The following NADSYN1 variants were observed in gnomAD, a reference collection of about 807,000 sequenced individuals.
NADSYN1 encodes NAD synthetase 1.
NADSYN1 carries 80 observed loss-of-function variants against 99.3 expected under a neutral mutation model. The ratio of observed to expected loss-of-function variants is 0.81; its 90% CI spans 0.67 to 0.97. The LOEUF (loss-of-function observed/expected upper bound fraction) is 0.97, where lower values mean the gene tolerates loss of function less well. NADSYN1 is among the 50% of genes least tolerant of loss of function. NADSYN1 has a pLI of 0.00. For synonymous variants in NADSYN1, 385 were observed against 372.1 expected, an observed-to-expected ratio of 1.03 and a Z score of -0.40; for missense variants, 859 against 948.5, an observed-to-expected ratio of 0.91 and a Z score of 1.24.
intron 5 of NADSYN1, among the ~76,000 whole-genome samples, chr11:71,468,328 C>T (rs1417090848): frequency 6.6e-6 from 1 of 152,126 alleles, no homozygotes; most frequent in Non-Finnish European, 1.5e-5. Flanking sequence ...CTGTATGAAA[C>T]ATAATGTCTA....
At chr11:71,459,456 G>A (rs1332341737) in intron 3 of NADSYN1, among the ~76,000 whole-genome samples, 5 of 150,592 alleles carry the variant, frequency 3.3e-5, no homozygotes, top group Non-Finnish European at 5.9e-5. Flanking sequence ...TGCATAGCCG[G>A]TCCCCTATGG....
At position 71,472,470 on chromosome 11, in the gene NADSYN1, G is replaced by A; in HGVS notation, c.429G>A (p.Leu143=). 2 of 1,613,864 alleles carry A rather than the reference G, an allele frequency of 1.2e-6. No homozygotes were observed. Among genetic ancestry groups the A allele is most frequent in the Non-Finnish European group, 1.7e-6 (2 of 1,179,712 alleles). Residue 143 remains leucine (L), a synonymous_variant, in exon 6 of 21, where the codon CTG becomes CTA. Coordinates refer to ENST00000319023, the MANE Select transcript of NADSYN1 (RefSeq NM_018161.5). ...SRSRHTEEYF[L]PRMIQDLTKQ... ...CCAGGCACACAGAGGAGTACTTTCT[G>A]CCTCGGATGATACAGGACCTGACAA...
At chr11:71,465,083 AC>A (rs1949578956) in intron 5 of NADSYN1, among the ~76,000 whole-genome samples, 1 of 152,050 alleles carries the variant, frequency 6.6e-6, no homozygotes, top group Non-Finnish European at 1.5e-5. Flanking sequence ...AAAGTATGTT[AC>A]AATATCGCAA....
intron 11 of NADSYN1, 100 bp downstream of exon 11, chr11:71,480,979 C>T (rs532847567): frequency 2.0e-6 from 3 of 1,509,498 alleles, no homozygotes; most frequent in African/African-American, 2.8e-5. Context: ...TCAGAACCTG[C>T]CTGGGTGGGG....
At chr11:71,459,771 C>T (rs12808368) in intron 3 of NADSYN1, 82,049 of 152,374 alleles carry the variant, frequency 0.54, 25,760 homozygotes, top group Non-Finnish European at 0.74. Flanking sequence ...CGACCCTCAC[C>T]GTGACATTTG....
At chr11:71,477,526 G>T in intron 9 of NADSYN1, 1 of 1,062,340 alleles carries the variant, frequency 9.4e-7, no homozygotes, top group South Asian at 1.4e-5. Flanking sequence ...TGCAGGTGCT[G>T]TTCCCGCTGT....
At chr11:71,481,224 G>A in intron 11 of NADSYN1, 132 bp from the exon 12 acceptor site, 1 of 897,924 alleles carries the variant, frequency 1.1e-6, no homozygotes, top group South Asian at 1.4e-5. Flanking sequence ...GGTGCCTAAA[G>A]CAGAGACGGG....
In NADSYN1 at chr11:71,468,374, G is replaced by A. The variant is rs554313897; in HGVS notation, c.408-4075G>A. Among the ~76,000 whole-genome samples the A allele has an allele frequency of 2.1e-3, 316 of 152,320 alleles. 1 individual carries two copies. Among genetic ancestry groups the A allele is most frequent in the African/African-American group, 7.4e-3 (307 of 41,550 alleles). On this transcript the variant is annotated intron_variant, in intron 5 of 20. Transcript: ENST00000319023. Reference sequence around the variant, plus strand: ...AAAAGTAGGCCAGCCCTAAATCACTGCATAGCTGTGCGTGTAAATTAGGGC... The same window carrying A: ...AAAAGTAGGCCAGCCCTAAATCACTACATAGCTGTGCGTGTAAATTAGGGC...
intron 12 of NADSYN1, chr11:71,481,618 C>T (rs570137827): frequency 2.5e-5 from 15 of 611,556 alleles, no homozygotes; most frequent in African/African-American, 1.1e-4. Context: ...GGAGGCTCAG[C>T]GGAACCCAGC....
chr11:71,473,628 A>G lies in NADSYN1; in HGVS notation c.608A>G (p.His203Arg). Residue 203 changes from histidine to arginine, a missense_variant, in exon 8 of 21, where the codon CAC becomes CGC. By Grantham distance (29) the His-to-Arg change is conservative. Coordinates refer to ENST00000319023, the MANE Select transcript of NADSYN1 (RefSeq NM_018161.5). ...VEIITNASGSHQVLRKANTRV... is the reference protein window; with the variant it reads ...VEIITNASGSRQVLRKANTRV... ...ATCATCACCAACGCCTCGGGCAGCCACCAAGTGCTGCGCAAAGCCAACACC... is the reference window on the plus strand; with the variant it reads ...ATCATCACCAACGCCTCGGGCAGCCGCCAAGTGCTGCGCAAAGCCAACACC... The G allele has an allele frequency of 1.9e-6, 3 of 1,613,254 alleles. No homozygotes were observed. Among genetic ancestry groups the G allele is most frequent in the Non-Finnish European group, 2.5e-6 (3 of 1,179,918 alleles).
intron 5 of NADSYN1, chr11:71,464,354 G>T: frequency 2.0e-6 from 1 of 501,750 alleles, no homozygotes; most frequent in South Asian, 2.5e-5. Flanking sequence ...CCTCCACAGG[G>T]TGGGAGCAGC....
Position 71,455,168 on chromosome 11 carries a change from A to G in NADSYN1, c.144A>G (p.Ile48Met), listed in dbSNP as rs544782653. The G allele has an allele frequency of 6.2e-7, 1 of 1,613,686 alleles. No individual in the cohort carries two copies. Among genetic ancestry groups the G allele is most frequent in the South Asian group, 1.1e-5 (1 of 90,996 alleles). ...ARYRLGPELEICGYGCWDHYY... is the reference protein window; with the variant it reads ...ARYRLGPELEMCGYGCWDHYY... Reference sequence around the variant, plus strand: ...ACAGGCTTGGACCAGAGCTGGAAATATGGTGAGAACAGACACAGACACCCT... The same window carrying G: ...ACAGGCTTGGACCAGAGCTGGAAATGTGGTGAGAACAGACACAGACACCCT... Residue 48 changes from isoleucine to methionine, a missense_variant and splice_region_variant, in exon 2 of 21, where the codon ATA becomes ATG. By Grantham distance (10) the Ile-to-Met change is conservative. Transcript: ENST00000319023.
intron 9 of NADSYN1, chr11:71,476,454 G>A: frequency 4.6e-6 from 1 of 219,240 alleles, no homozygotes; most frequent in South Asian, 6.7e-5. Flanking sequence ...GCATAGGTGT[G>A]GTCAGCACGG....
intron 18 of NADSYN1, among the ~76,000 whole-genome samples, chr11:71,495,433 C>G (rs1949812611): frequency 6.6e-6 from 1 of 152,202 alleles, no homozygotes. Flanking sequence ...TCTCGTGGCT[C>G]AGCAGATGGT....
intron 15 of NADSYN1, chr11:71,484,886 A>T (rs1356994712): frequency 5.0e-6 from 1 of 198,710 alleles, no homozygotes; most frequent in East Asian, 1.2e-4. Flanking sequence ...AGCAAGTGTG[A>T]GTGTGGATGT....
rs35007971 is a variant in NADSYN1, at chr11:71,497,491, G to A, written c.1773G>A (p.Met591Ile). The A allele has an allele frequency of 1.6e-3, 2,621 of 1,614,116 alleles. 41 individuals are homozygous for A. In the African/African-American group the frequency reaches 0.03, roughly 18 times the overall value. The change falls in exon 19 of 21, where the codon ATG (methionine) becomes ATA (isoleucine). Residue 591 changes from methionine to isoleucine, a missense_variant. Physicochemically the swap from Met to Ile is conservative, Grantham distance 10 (BLOSUM62 1). Coordinates refer to ENST00000319023, the MANE Select transcript of NADSYN1 (RefSeq NM_018161.5). The stretch of plus-strand genomic sequence containing the variant: ...ATTTTTGTTGTGCACAGGAAGATAT[G>A]GGGATGACATATGCGGAGCTCTCGG... The part of the protein sequence containing the change: ...GQVSQTDEED[M>I]GMTYAELSVY...
At position 71,490,971 on chromosome 11, in the gene NADSYN1, G is replaced by A; in HGVS notation, c.1689G>A (p.Leu563=). ...FCIQRFQLPA[L]QSILLAPATA... is the part of the protein sequence containing the mutation. ...TCCAGCGCTTCCAGCTTCCTGCCCT[G>A]CAGAGGTGAGTGTGCTCACGGGCTG... The change falls in exon 17 of 21, where the codon CTG becomes CTA. Residue 563 remains leucine, a synonymous_variant. Coordinates refer to ENST00000319023, the MANE Select transcript of NADSYN1 (RefSeq NM_018161.5). 6.2e-7 allele frequency: 1 copy of A among 1,614,128 alleles called. No individual in the cohort carries two copies.
At chr11:71,491,344 C>T (rs1002916194) in intron 17 of NADSYN1, among the ~76,000 whole-genome samples, 1 of 152,358 alleles carries the variant, frequency 6.6e-6, no homozygotes, top group African/African-American at 2.4e-5. Flanking sequence ...CGGCCTTTGC[C>T]GAGGTTCCCT....
intron 15 of NADSYN1, 104 bp downstream of exon 15, chr11:71,484,551 T>G: frequency 6.9e-7 from 1 of 1,448,770 alleles, no homozygotes; most frequent in South Asian, 1.4e-5. Flanking sequence ...ATCGTCTCCA[T>G]GAAGCTCATG....
Sources: allele counts gnomAD v4.1 joint callset (sites outside exome capture counted in the v4.1 genomes callset), GRCh38; gene constraint gnomAD v4.1.1; transcripts MANE v1.5; gene names NCBI Gene and HGNC (gene_info 2026-07-23, HGNC 2026-07-21).